The following PDE8A variants were observed in gnomAD, a reference collection of about 807,000 sequenced individuals.
PDE8A encodes the protein high affinity cAMP-specific and IBMX-insensitive 3',5'-cyclic phosphodiesterase 8A.
Under a neutral mutation model 105.0 loss-of-function variants are expected in PDE8A, and 59 were observed. The ratio of observed to expected loss-of-function variants is 0.56; its 90% CI spans 0.46 to 0.70. The LOEUF is 0.70. PDE8A is among the 30% of genes least tolerant of loss of function. The pLI is 0.00. For synonymous variants in PDE8A, 355 were observed against 371.9 expected (o/e 0.95, Z 0.52); for missense variants, 1,014 against 1,045.9 (o/e 0.97, Z 0.42).
intron 1 of PDE8A, among the ~76,000 whole-genome samples, chr15:84,995,024 A>T (rs2079952678): frequency 6.6e-6 from 1 of 151,892 alleles, no homozygotes; most frequent in Non-Finnish European, 1.5e-5. Flanking sequence ...CCCCTTAAAT[A>T]TTTCAGCATG....
rs114430110 is a variant in PDE8A, at chr15:85,104,986, A to G, written c.1037-4067A>G. On this transcript the variant is annotated intron_variant, in intron 11 of 21. Transcript: ENST00000394553. ...TCTGGGGGTGAGGTAAACAGTAAGC[A>G]AATAAACATACAGTATATCAGATGG... Among the ~76,000 whole-genome samples, 1,290 of 152,242 alleles carry G rather than the reference A, an allele frequency of 8.5e-3. 21 individuals carry two copies. The highest frequency in any genetic ancestry group is 0.029 in the African/African-American group (1,220 of 41,526).
chr15:85,049,023 A>G (rs1283123330), intron 1 of PDE8A, among the ~76,000 whole-genome samples: 2 of 152,152 alleles, frequency 1.3e-5, no homozygotes, highest in Admixed American at 6.5e-5. Flanking sequence ...AATTGCTTGA[A>G]TCTGGGAAGT....
Position 85,079,601 on chromosome 15 carries a change from A to G in PDE8A, c.546+2814A>G, listed in dbSNP as rs1388471748. 2.0e-5 allele frequency among the ~76,000 whole-genome samples: 3 copies of G among 152,192 alleles called. No individual in the cohort carries two copies. In the East Asian group the frequency reaches 5.8e-4, roughly 29 times the overall value. ...AACAACAGTGTAAAATCAGTGAGAA[A>G]CACAAAGTCAGATAGAAAGAATAGA... On this transcript the variant is annotated intron_variant, in intron 5 of 21. Transcript: ENST00000394553.
At chr15:85,025,238 C>A (rs1394502873) in intron 1 of PDE8A, among the ~76,000 whole-genome samples, 1 of 152,148 alleles carries the variant, frequency 6.6e-6, no homozygotes, top group Non-Finnish European at 1.5e-5. Flanking sequence ...ACTCCCACTA[C>A]CCCTTTGAAC....
rs762948717 is a variant in PDE8A at position 85,117,775 on chromosome 15, A to G, written c.1670A>G (p.Asn557Ser). 3.8e-5 allele frequency: 61 copies of G among 1,613,950 alleles called. No homozygotes were observed. Among genetic ancestry groups the G allele is most frequent in the Non-Finnish European group, 4.6e-5 (54 of 1,179,934 alleles). Residue 557 changes from asparagine (N) to serine (S), a missense_variant, in exon 17 of 22, where the codon AAT (asparagine) becomes AGT (serine). By Grantham distance (46) the Asn-to-Ser change is conservative (BLOSUM62 1). Transcript: ENST00000394553. ...ANYHSSNPYHNSTHSADVLHA... is the reference protein window; with the variant it reads ...ANYHSSNPYHSSTHSADVLHA... ...TATCATTCCTCCAATCCCTACCACA[A>G]TTCTACACATTCTGCTGATGTGCTT... is the stretch of plus-strand genomic sequence containing the variant.
At chr15:85,070,422 T>C (rs1020947999) in intron 3 of PDE8A, among the ~76,000 whole-genome samples, 3 of 152,168 alleles carry the variant, frequency 2.0e-5, no homozygotes, top group South Asian at 2.1e-4. Flanking sequence ...GCTAATACTT[T>C]AGTTAGCAGG....
At chr15:85,128,360 T>C (rs2082286961) in intron 20 of PDE8A, among the ~76,000 whole-genome samples, 1 of 152,090 alleles carries the variant, frequency 6.6e-6, no homozygotes, top group Non-Finnish European at 1.5e-5. Context: ...ATTTTTTTAA[T>C]TAGTTGCCTG....
chr15:85,116,737 G>C (rs1170604785), intron 16 of PDE8A, among the ~76,000 whole-genome samples: 1 of 152,196 alleles, frequency 6.6e-6, no homozygotes, highest in Non-Finnish European at 1.5e-5. Context: ...GTGCTCGGTT[G>C]GGCCATGGGA....
chr15:85,095,693 T>A (rs2342974), intron 8 of PDE8A, among the ~76,000 whole-genome samples: 118,436 of 151,766 alleles, frequency 0.78, 46,693 homozygotes, highest in East Asian at 0.95. Flanking sequence ...TTTTGTTTCC[T>A]CTGGTGACTG....
chr15:85,120,651 A>T, intron 17 of PDE8A, 146 bp from the exon 18 acceptor site: 1 of 599,742 alleles, frequency 1.7e-6, no homozygotes, highest in Non-Finnish European at 2.9e-6. Context: ...TGGAGATAGG[A>T]AAACTAGATT....
chr15:85,025,205 G>T (rs558829426), intron 1 of PDE8A, among the ~76,000 whole-genome samples: 1 of 152,212 alleles, frequency 6.6e-6, no homozygotes, highest in Non-Finnish European at 1.5e-5. Flanking sequence ...CCTGAATTTT[G>T]ACTTGAGGCT....
chr15:85,137,102 T>C (rs1475588600), intron 21 of PDE8A, among the ~76,000 whole-genome samples: 1 of 152,132 alleles, frequency 6.6e-6, no homozygotes, highest in Non-Finnish European at 1.5e-5. Flanking sequence ...GTCTGTCAAA[T>C]AAAAGAATAT....
chr15:85,066,027 ATT>A (rs11308498), intron 2 of PDE8A, among the ~76,000 whole-genome samples: 13,483 of 151,420 alleles, frequency 0.089, 1,662 homozygotes, highest in African/African-American at 0.28. Flanking sequence ...AATCAAAGCA[ATT>A]TTTTTTTTAA....
At chr15:85,022,376 CT>C (rs766403324) in intron 1 of PDE8A, among the ~76,000 whole-genome samples, 6 of 150,042 alleles carry the variant, frequency 4.0e-5, no homozygotes, top group Non-Finnish European at 8.8e-5. Flanking sequence ...CTGCTCTTCT[CT>C]AGCTCTAGCA....
intron 1 of PDE8A, among the ~76,000 whole-genome samples, chr15:85,031,164 A>G (rs1218850879): frequency 1.3e-5 from 2 of 152,226 alleles, no homozygotes; most frequent in Non-Finnish European, 2.9e-5. Context: ...CTACTATGTT[A>G]TCTAAAACTG....
At chr15:85,087,755 TTAATG>T (rs1384316682) in intron 6 of PDE8A, among the ~76,000 whole-genome samples, 2 of 152,200 alleles carry the variant, frequency 1.3e-5, no homozygotes, top group Admixed American at 1.3e-4. Context: ...TATGGAAAGA[TTAATG>T]TATAGTGTGC....
At chr15:85,034,283 A>C (rs2080666484) in intron 1 of PDE8A, among the ~76,000 whole-genome samples, 1 of 152,264 alleles carries the variant, frequency 6.6e-6, no homozygotes, top group Non-Finnish European at 1.5e-5. Flanking sequence ...TATGTTAGAA[A>C]TCAAGAAAGA....
At chr15:84,996,489 G>A (rs2079978270) in intron 1 of PDE8A, among the ~76,000 whole-genome samples, 1 of 152,010 alleles carries the variant, frequency 6.6e-6, no homozygotes, top group South Asian at 2.1e-4. Context: ...AGGTATTTGT[G>A]TATCTAAACA....
At chr15:85,020,461 G>A (rs772823214) in intron 1 of PDE8A, among the ~76,000 whole-genome samples, 8 of 152,116 alleles carry the variant, frequency 5.3e-5, no homozygotes, top group Non-Finnish European at 8.8e-5. Flanking sequence ...AAAGTTAGCC[G>A]GGCATGGTGG....
Sources: allele counts gnomAD v4.1 joint callset (sites outside exome capture counted in the v4.1 genomes callset), GRCh38; gene constraint gnomAD v4.1.1; transcripts MANE v1.5; gene names NCBI Gene and HGNC (gene_info 2026-07-23, HGNC 2026-07-21).